Variants in LHFPL3 observed in about 807,000 individuals in gnomAD.
The protein encoded by LHFPL3 is LHFPL tetraspan subfamily member 3 protein.
In LHFPL3, 5 loss-of-function variants were observed where a neutral mutation model predicts 19.3. The ratio of observed to expected loss-of-function variants is 0.26; its 90% CI spans 0.14 to 0.54. The LOEUF is 0.54. LHFPL3 is among the 20% of genes least tolerant of loss of function. The pLI, the probability that LHFPL3 is intolerant of heterozygous loss-of-function variation, is 0.94. For missense variants in LHFPL3, 249 were observed against 307.4 expected, an observed-to-expected ratio of 0.81 and a Z score of 1.42; for synonymous variants, 133 against 126.2, an observed-to-expected ratio of 1.05 and a Z score of -0.36.
At chr7:104,902,467 T>C (rs1792506692) in intron 2 of LHFPL3, among the ~76,000 whole-genome samples, 1 of 151,088 alleles carries the variant, frequency 6.6e-6, no homozygotes, top group African/African-American at 2.4e-5. Flanking sequence ...AGAAGAGAGC[T>C]TTAGGAATGA....
intron 2 of LHFPL3, among the ~76,000 whole-genome samples, chr7:104,740,359 A>G (rs1236238257): frequency 6.6e-6 from 1 of 152,250 alleles, no homozygotes; most frequent in Non-Finnish European, 1.5e-5. Context: ...CTGAAATTGT[A>G]GAATATGCCC....
At chr7:104,440,786 C>T (rs1478860528) in intron 1 of LHFPL3, among the ~76,000 whole-genome samples, 4 of 152,140 alleles carry the variant, frequency 2.6e-5, no homozygotes, top group African/African-American at 4.8e-5. Context: ...TTTGCATGTA[C>T]TAATATCTAA....
intron 2 of LHFPL3, among the ~76,000 whole-genome samples, chr7:104,841,493 GGTGT>G (rs66894221): frequency 2.8e-5 from 4 of 140,836 alleles, no homozygotes; most frequent in African/African-American, 1.1e-4. Context: ...CATTATGTGG[GGTGT>G]GTGTGTGTGT....
chr7:104,448,908 G>T (rs79132101), intron 1 of LHFPL3, among the ~76,000 whole-genome samples: 2,150 of 152,304 alleles, frequency 0.014, 74 homozygotes, highest in East Asian at 0.13. Context: ...ATATGCTGAT[G>T]TGTCTGTTGG....
chr7:104,746,952 T>C (rs1384855213), intron 2 of LHFPL3, among the ~76,000 whole-genome samples: 1 of 152,232 alleles, frequency 6.6e-6, no homozygotes, highest in East Asian at 1.9e-4. Context: ...GGAGGCCTCA[T>C]GAAGATCTGG....
intron 1 of LHFPL3, among the ~76,000 whole-genome samples, chr7:104,517,953 C>T (rs374843980): frequency 3.9e-5 from 6 of 152,122 alleles, no homozygotes; most frequent in African/African-American, 1.4e-4. Flanking sequence ...CACCATGGCA[C>T]GTGTATACCT....
intron 1 of LHFPL3, among the ~76,000 whole-genome samples, chr7:104,430,399 T>C (rs1291133724): frequency 5.5e-4 from 21 of 37,988 alleles, no homozygotes; most frequent in African/African-American, 1.6e-3. Flanking sequence ...TATATATATA[T>C]ATATACATAT....
At chr7:104,807,019 G>A (rs1030200700) in intron 2 of LHFPL3, among the ~76,000 whole-genome samples, 3,500 of 78,116 alleles carry the variant, frequency 0.045, 121 homozygotes, top group African/African-American at 0.14. Context: ...ATATGTGTGT[G>A]TGTGTGTGTG....
At chr7:104,855,000 G>A (rs376858514) in intron 2 of LHFPL3, among the ~76,000 whole-genome samples, 15 of 152,184 alleles carry the variant, frequency 9.9e-5, no homozygotes, top group African/African-American at 2.9e-4. Flanking sequence ...TTAGTCTGGC[G>A]TGGGAAGCTT....
chr7:104,522,699 C>A (rs371095503), intron 1 of LHFPL3, among the ~76,000 whole-genome samples: 1 of 152,046 alleles, frequency 6.6e-6, no homozygotes, highest in East Asian at 1.9e-4. Flanking sequence ...GAAGGTCTTT[C>A]TTGCCATTTG....
intron 1 of LHFPL3, among the ~76,000 whole-genome samples, chr7:104,556,214 G>C (rs573629188): frequency 1.2e-4 from 18 of 152,322 alleles, no homozygotes; most frequent in Admixed American, 4.6e-4. Context: ...CCACTAGGCA[G>C]TGCCCCAGTA....
At chr7:104,855,460 A>T (rs1791484743) in intron 2 of LHFPL3, among the ~76,000 whole-genome samples, 1 of 152,176 alleles carries the variant, frequency 6.6e-6, no homozygotes, top group African/African-American at 2.4e-5. Flanking sequence ...TGAATTATGT[A>T]TAATGGTGTT....
chr7:104,603,867 C>T (rs1791034544), intron 1 of LHFPL3, among the ~76,000 whole-genome samples: 1 of 152,216 alleles, frequency 6.6e-6, no homozygotes, highest in Admixed American at 6.5e-5. Flanking sequence ...TTGAGCCACC[C>T]CAAGGCCTCA....
chr7:104,436,203 A>G (rs2116569902), intron 1 of LHFPL3, among the ~76,000 whole-genome samples: 1 of 152,312 alleles, frequency 6.6e-6, no homozygotes, highest in South Asian at 2.1e-4. Context: ...CTTTCACCTT[A>G]AAATATTTTT....
intron 1 of LHFPL3, among the ~76,000 whole-genome samples, chr7:104,499,081 C>G (rs374358100): frequency 6.6e-6 from 1 of 152,114 alleles, no homozygotes; most frequent in African/African-American, 2.4e-5. Flanking sequence ...CATTTTTACT[C>G]CAAAAGTAAT....
At chr7:104,668,381 C>T (rs1424801510) in intron 1 of LHFPL3, 1 of 1,592,214 alleles carries the variant, frequency 6.3e-7, no homozygotes, top group African/African-American at 1.3e-5. Context: ...TTGATGACTA[C>T]CCACCTAGAA....
At chr7:104,384,599 C>T (rs532758524) in intron 1 of LHFPL3, among the ~76,000 whole-genome samples, 18 of 151,718 alleles carry the variant, frequency 1.2e-4, no homozygotes, top group African/African-American at 4.1e-4. Flanking sequence ...CCAGCCTGAT[C>T]AACATGGAGA....
intron 1 of LHFPL3, among the ~76,000 whole-genome samples, chr7:104,617,863 T>TA (rs1346026787): frequency 6.6e-6 from 1 of 152,218 alleles, no homozygotes; most frequent in African/African-American, 2.4e-5. Context: ...ATACGCTATA[T>TA]AAAGTATAAT....
chr7:104,841,748 C>T (rs890576525), intron 2 of LHFPL3, among the ~76,000 whole-genome samples: 1 of 152,072 alleles, frequency 6.6e-6, no homozygotes, highest in Non-Finnish European at 1.5e-5. Context: ...ATAACTTTTG[C>T]ACCCATTTAT....
Sources: allele counts gnomAD v4.1 joint callset (sites outside exome capture counted in the v4.1 genomes callset), GRCh38; gene constraint gnomAD v4.1.1; transcripts MANE v1.5; gene names NCBI Gene and HGNC (gene_info 2026-07-23, HGNC 2026-07-21).